The following LCP2 variants were observed in gnomAD, a reference collection of about 807,000 sequenced individuals.
LCP2 encodes the protein 76 kDa tyrosine phosphoprotein.
In LCP2, 29 loss-of-function variants were observed where a neutral mutation model predicts 74.5. The ratio of observed to expected loss-of-function variants is 0.39; its 90% CI spans 0.29 to 0.53. The LOEUF is 0.53. Ranked by LOEUF, LCP2 falls within the 20% of genes least tolerant of loss-of-function variation. The probability of loss-of-function intolerance (pLI) is 0.72; values close to 1 mark genes in which losing one functional copy is unlikely to be tolerated. For synonymous variants in LCP2, 228 were observed against 229.5 expected (o/e 0.99, Z 0.06); for missense variants, 604 against 634.6 (o/e 0.95, Z 0.52).
intron 3 of LCP2, 98 bp downstream of exon 3, chr5:170,287,872 A>C: frequency 9.0e-7 from 1 of 1,116,636 alleles, no homozygotes; most frequent in South Asian, 1.3e-5. Flanking sequence ...TCTTATTTCA[A>C]GCCGACAATG....
Position 170,297,570 on chromosome 5 carries a change from G to GC in LCP2, c.41dup (p.Trp15LeufsTer8). Reference sequence around the variant, plus strand: ...AGTCAGCAAGGCTGTCGGGGTCCCAGCCCAGGACCTCTGAGCGAAAGGGCA... The same window carrying GC: ...AGTCAGCAAGGCTGTCGGGGTCCCAGCCCCAGGACCTCTGAGCGAAAGGGCA... On this transcript the variant is annotated frameshift_variant, in exon 1 of 21. Coordinates refer to ENST00000046794, the MANE Select transcript of LCP2 (RefSeq NM_005565.5). LOFTEE classifies it high-confidence loss of function. 6.2e-7 allele frequency: 1 copy of GC among 1,613,156 alleles called. No individual in the cohort carries two copies. Among genetic ancestry groups the GC allele is most frequent in the Non-Finnish European group, 8.5e-7 (1 of 1,179,542 alleles).
Position 170,248,186 on chromosome 5 carries a change from G to A in LCP2, c.*511C>T, listed in dbSNP as rs1330577713. On this transcript the variant is annotated 3_prime_UTR_variant, in exon 21 of 21. Transcript: ENST00000046794. Reference sequence around the variant, plus strand: ...GCCCCCAGGAAAAAATACTAAATAAGAGTGAAATTATATTTTTGAAGCCTC... The same window carrying A: ...GCCCCCAGGAAAAAATACTAAATAAAAGTGAAATTATATTTTTGAAGCCTC... The A allele has an allele frequency of 6.6e-6, 1 of 152,632 alleles. No individual in the cohort carries two copies. Among genetic ancestry groups the A allele is most frequent in the Non-Finnish European group, 1.5e-5 (1 of 68,070 alleles). The allele number at this position is 152,632 out of a possible 1,614,324, so 9.5% of individuals were successfully genotyped here. A position where few individuals can be genotyped will look rare whatever the true frequency, so the allele number is the denominator to read the frequency against.
chr5:170,296,697 T>C (rs1762391594), intron 1 of LCP2, among the ~76,000 whole-genome samples: 2 of 152,194 alleles, frequency 1.3e-5, no homozygotes, highest in African/African-American at 4.8e-5. Flanking sequence ...CCCAAGCAGA[T>C]GCGTTGTCCC....
chr5:170,282,049 A>C (rs993683442), intron 3 of LCP2, among the ~76,000 whole-genome samples: 1 of 151,888 alleles, frequency 6.6e-6, no homozygotes, highest in African/African-American at 2.4e-5. Flanking sequence ...GGGAGCCTTC[A>C]TTTTTTTTCT....
chr5:170,250,000 AT>A (rs140096024), intron 20 of LCP2, among the ~76,000 whole-genome samples: 1 of 151,982 alleles, frequency 6.6e-6, no homozygotes, highest in South Asian at 2.1e-4. Flanking sequence ...ACAAGCATGC[AT>A]TTTTTTTCTA....
At chr5:170,296,929 C>T (rs1213063272) in intron 1 of LCP2, among the ~76,000 whole-genome samples, 3 of 152,186 alleles carry the variant, frequency 2.0e-5, no homozygotes, top group Non-Finnish European at 4.4e-5. Context: ...TGAGGACCCC[C>T]CTTAGGGTCG....
intron 18 of LCP2, chr5:170,252,717 G>A: frequency 1.9e-6 from 1 of 536,386 alleles, no homozygotes; most frequent in Non-Finnish European, 3.3e-6. Context: ...TCATGACACT[G>A]GTTGCAAAAA....
intron 1 of LCP2, 56 bp downstream of exon 1, chr5:170,297,478 G>T: frequency 6.7e-7 from 1 of 1,487,248 alleles, no homozygotes; most frequent in Non-Finnish European, 9.3e-7. Flanking sequence ...TCAAGCCTCA[G>T]CTCAGCCCAC....
chr5:170,265,794 G>T (rs918620681), intron 10 of LCP2, among the ~76,000 whole-genome samples: 1 of 152,170 alleles, frequency 6.6e-6, no homozygotes, highest in Non-Finnish European at 1.5e-5. Context: ...CTTGCTCAGA[G>T]CATAGCCAAG....
intron 7 of LCP2, 133 bp downstream of exon 7, chr5:170,270,586 T>C: frequency 1.4e-6 from 1 of 710,220 alleles, no homozygotes; most frequent in South Asian, 2.1e-5. Flanking sequence ...ACATAGCTGT[T>C]AAGAAGCCGA....
intron 20 of LCP2, 135 bp downstream of exon 20, chr5:170,250,595 A>G: frequency 2.9e-6 from 2 of 687,228 alleles, no homozygotes; most frequent in South Asian, 3.5e-5. Context: ...CTCTTCCAAT[A>G]AATGAAGGGC....
chr5:170,290,954 A>G (rs1248255979), intron 2 of LCP2, among the ~76,000 whole-genome samples: 4 of 22,634 alleles, frequency 1.8e-4, no homozygotes, highest in Non-Finnish European at 4.6e-4. Flanking sequence ...AAAGAAAGAA[A>G]AGAAAGAAAG....
At chr5:170,272,000 CA>C in intron 6 of LCP2, among the ~76,000 whole-genome samples, 1 of 151,886 alleles carries the variant, frequency 6.6e-6, no homozygotes, top group Non-Finnish European at 1.5e-5. Flanking sequence ...TTCCCAACTC[CA>C]AAAAAAGACT....
At chr5:170,284,287 C>A (rs1228741954) in intron 3 of LCP2, among the ~76,000 whole-genome samples, 1 of 152,218 alleles carries the variant, frequency 6.6e-6, no homozygotes, top group Non-Finnish European at 1.5e-5. Flanking sequence ...GCACCTGTGG[C>A]AGTACAGTTC....
chr5:170,271,242 A>AT (rs1026483883), intron 6 of LCP2, among the ~76,000 whole-genome samples: 3 of 152,090 alleles, frequency 2.0e-5, no homozygotes, highest in African/African-American at 7.2e-5. Context: ...GAGTAAACAC[A>AT]TTTTTTGCTC....
Position 170,256,712 on chromosome 5 carries a change from G to C in LCP2, c.1101-137C>G, listed in dbSNP as rs1453515457. 4 of 690,064 alleles carry C rather than the reference G, an allele frequency of 5.8e-6. No homozygotes were observed. In the East Asian group the frequency reaches 1.1e-4, roughly 19 times the overall value. The allele number at this position is 690,064 out of a possible 1,614,324, so 42.7% of individuals were successfully genotyped here. ...TCCCTGCTGCCCCCAAAACCATGGG[G>C]GCTGGGCACAGGGACAGAACACAGC... On this transcript the variant is annotated intron_variant, in intron 16 of 20. Transcript: ENST00000046794. The surrounding 1 kb of genome is among the most constrained non-coding windows in gnomAD (Gnocchi z 4.5).
At chr5:170,296,856 G>C (rs1156541228) in intron 1 of LCP2, among the ~76,000 whole-genome samples, 2 of 152,200 alleles carry the variant, frequency 1.3e-5, no homozygotes, top group Non-Finnish European at 2.9e-5. Flanking sequence ...GCTCACATCA[G>C]TTTTCTGTCC....
At chr5:170,278,638 C>G (rs189529884) in intron 3 of LCP2, among the ~76,000 whole-genome samples, 1 of 152,162 alleles carries the variant, frequency 6.6e-6, no homozygotes, top group Admixed American at 6.5e-5. Context: ...CGCCCTCCTC[C>G]TACAGAGTTT....
intron 3 of LCP2, among the ~76,000 whole-genome samples, chr5:170,277,486 G>A (rs1270409796): frequency 9.9e-5 from 15 of 152,156 alleles, no homozygotes; most frequent in African/African-American, 2.7e-4. Context: ...GGTGGCTCAC[G>A]CCTATAATCC....
Sources: allele counts gnomAD v4.1 joint callset (sites outside exome capture counted in the v4.1 genomes callset), GRCh38; gene constraint gnomAD v4.1.1; non-coding constraint Gnocchi (gnomAD v3.1); transcripts MANE v1.5; gene names NCBI Gene and HGNC (gene_info 2026-07-23, HGNC 2026-07-21).